BATF3: variants seen among roughly 807,000 people sequenced by gnomAD.
The protein encoded by BATF3 is basic leucine zipper ATF-like transcription factor 3.
Under a neutral mutation model 16.1 loss-of-function variants are expected in BATF3, and 8 were observed. That is an observed-to-expected ratio of 0.50 (90% confidence interval 0.29 to 0.90). The LOEUF (loss-of-function observed/expected upper bound fraction) is 0.90, where lower values mean the gene tolerates loss of function less well. Among genes scored for constraint, BATF3 ranks in the 40% least tolerant of loss-of-function variants. BATF3 has a pLI of 0.08. For missense variants in BATF3, 139 were observed against 167.0 expected, an observed-to-expected ratio of 0.83 and a Z score of 0.92; for synonymous variants, 74 against 72.7, an observed-to-expected ratio of 1.02 and a Z score of -0.09.
At chr1:212,697,915 C>CA (rs1366297760) in intron 1 of BATF3, 2 of 152,192 alleles carry the variant, frequency 1.3e-5, no homozygotes, top group Non-Finnish European at 2.9e-5. Context: ...ACCACACTTA[C>CA]AGAGTTTAAG....
Position 212,696,999 on chromosome 1 carries a change from G to A in BATF3, c.157C>T (p.Arg53Trp), listed in dbSNP as rs1421187861. Reference protein sequence around the residue: ...EKNRVAAQRSRKKQTQKADKL... With the variant: ...EKNRVAAQRSWKKQTQKADKL... ...TCAGCCTTCTGGGTCTGCTTCTTCC[G>A]ACTTCTCTGAGCAGCAACTCGGTTT... The change falls in exon 2 of 3, where the codon CGG becomes TGG. Residue 53 changes from arginine to tryptophan, a missense_variant. Physicochemically the swap from Arg to Trp is moderately radical, Grantham distance 101. Coordinates refer to ENST00000243440, the MANE Select transcript of BATF3 (RefSeq NM_018664.3). The A allele has an allele frequency of 3.7e-6, 6 of 1,614,148 alleles. No homozygotes were observed. The highest frequency in any genetic ancestry group is 2.5e-6 in the Non-Finnish European group (3 of 1,180,022).
At chr1:212,693,016 C>A (rs982441279) in intron 2 of BATF3, among the ~76,000 whole-genome samples, 1 of 152,168 alleles carries the variant, frequency 6.6e-6, no homozygotes, top group South Asian at 2.1e-4. Flanking sequence ...GGTGTCCCCA[C>A]CCTAGATTGG....
chr1:212,688,133 G>T (rs1218710712), intron 2 of BATF3, among the ~76,000 whole-genome samples: 1 of 151,756 alleles, frequency 6.6e-6, no homozygotes, highest in African/African-American at 2.4e-5. Context: ...GTACCTGTTG[G>T]GTTTGGTTCC....
chr1:212,694,183 A>G (rs1415158846), intron 2 of BATF3, among the ~76,000 whole-genome samples: 1 of 152,224 alleles, frequency 6.6e-6, no homozygotes, highest in Non-Finnish European at 1.5e-5. Context: ...GAAAAGCAAG[A>G]AAACGAATCT....
chr1:212,692,680 C>T (rs1389142010), intron 2 of BATF3, among the ~76,000 whole-genome samples: 2 of 152,172 alleles, frequency 1.3e-5, no homozygotes, highest in African/African-American at 4.8e-5. Flanking sequence ...TCAAGTGATC[C>T]ACCCGCCTCA....
intron 2 of BATF3, among the ~76,000 whole-genome samples, 181 bp downstream of exon 2, chr1:212,696,780 G>C (rs1386003172): frequency 6.6e-6 from 1 of 152,206 alleles, no homozygotes; most frequent in East Asian, 1.9e-4. Context: ...GCACTCAGTG[G>C]ATGAGGGAGA....
Position 212,687,967 on chromosome 1 carries a change from A to AAAAGAAAGAAAGAAAG in BATF3, c.196-1004_196-989dup, listed in dbSNP as rs796615441. Among the ~76,000 whole-genome samples, 136 of 99,704 alleles carry AAAAGAAAGAAAGAAAG rather than the reference A, an allele frequency of 1.4e-3. 3 individuals carry two copies. Among genetic ancestry groups the AAAAGAAAGAAAGAAAG allele is most frequent in the Middle Eastern group, 8.9e-3 (2 of 224 alleles). 65.4% of individuals were successfully genotyped at this position (99,704 alleles called of 152,430 possible). On this transcript the variant is annotated intron_variant, in intron 2 of 2. Transcript: ENST00000243440. Reference sequence around the variant, plus strand: ...GGAAGAAGAAAGAGAGAAAGAAAAAAAAAGAAAGAAAGAAAGAAAGAAAGA... The same window carrying AAAAGAAAGAAAGAAAG: ...GGAAGAAGAAAGAGAGAAAGAAAAAAAAAGAAAGAAAGAAAGAAAGAAAGAAAGAAAGAAAGAAAGA...
chr1:212,692,583 G>A (rs556268476), intron 2 of BATF3, among the ~76,000 whole-genome samples: 165 of 152,192 alleles, frequency 1.1e-3, no homozygotes, highest in African/African-American at 3.9e-3. Flanking sequence ...AACTACAGGC[G>A]CACGCCACCA....
chr1:212,696,899 C>G lies in BATF3; in HGVS notation c.195+62G>C. The G allele has an allele frequency of 3.3e-6, 4 of 1,222,904 alleles. No individual in the cohort carries two copies. The South Asian group carries it at 4.8e-5, about 15-fold the overall frequency. 75.8% of individuals were successfully genotyped at this position (1,222,904 alleles called of 1,614,324 possible). A position where few individuals can be genotyped will look rare whatever the true frequency, so the allele number is the denominator to read the frequency against. ...TGATAAAGAGAACAGTCATCACCCC[C>G]ACTCCCGTGCAAGGCAGAGGCTGTG... On this transcript the variant is annotated intron_variant, in intron 2 of 2. Coordinates refer to ENST00000243440, the MANE Select transcript of BATF3 (RefSeq NM_018664.3).
chr1:212,694,305 T>C (rs753106746), intron 2 of BATF3, among the ~76,000 whole-genome samples: 3 of 152,174 alleles, frequency 2.0e-5, no homozygotes, highest in Non-Finnish European at 1.5e-5. Flanking sequence ...ATTTGTGTTG[T>C]TTTAAGCCAC....
At chr1:212,688,856 A>G (rs528274696) in intron 2 of BATF3, among the ~76,000 whole-genome samples, 3 of 152,292 alleles carry the variant, frequency 2.0e-5, no homozygotes, top group East Asian at 3.9e-4. Flanking sequence ...TCAGGGCCCA[A>G]TTGCGTTACT....
intron 2 of BATF3, among the ~76,000 whole-genome samples, chr1:212,690,640 G>A (rs1350263670): frequency 1.3e-5 from 2 of 152,214 alleles, no homozygotes; most frequent in Non-Finnish European, 2.9e-5. Flanking sequence ...AATTCCTGGA[G>A]TAAACGCAAA....
chr1:212,690,851 G>A (rs1571833558), intron 2 of BATF3, among the ~76,000 whole-genome samples: 1 of 152,306 alleles, frequency 6.6e-6, no homozygotes, highest in Admixed American at 6.5e-5. Context: ...TCCCAGCTCT[G>A]CCTCAGAAAT....
rs1033974074 is a variant in BATF3, at chr1:212,699,123, G to A, written c.90+550C>T. On this transcript the variant is annotated intron_variant, in intron 1 of 2. Transcript: ENST00000243440. This position sits in a 1 kb window ranked among gnomAD's most constrained non-coding sequence, Gnocchi z 4.4. ...ACCTGGTCTCCTTCCTGACTGCGCC[G>A]CTGTAAACGTTGCTAGGGGACAGCG... Among the ~76,000 whole-genome samples, 7 of 152,266 alleles carry A rather than the reference G, an allele frequency of 4.6e-5. No homozygotes were observed. Among genetic ancestry groups the A allele is most frequent in the Non-Finnish European group, 8.8e-5 (6 of 68,048 alleles).
intron 2 of BATF3, among the ~76,000 whole-genome samples, chr1:212,688,015 GGAAGGAAGGAAGGAAGGAAGGAAGGAGA>G (rs2102399976): frequency 1.0e-5 from 1 of 98,912 alleles, no homozygotes; most frequent in South Asian, 2.9e-4. Flanking sequence ...AAGGAAGGAA[GGAAGGAAGGAAGGAAGGAAGGAAGGAGA>G]GAGAAAGAGA....
intron 1 of BATF3, 112 bp from the exon 2 acceptor site, chr1:212,697,177 G>C: frequency 5.0e-6 from 4 of 799,966 alleles, no homozygotes; most frequent in Non-Finnish European, 8.2e-6. Flanking sequence ...CTTTGCAGTA[G>C]ACAGCACCAC....
At position 212,696,945 on chromosome 1, in the gene BATF3, C is replaced by T. The variant is rs750940753; in HGVS notation, c.195+16G>A. 5.7e-5 allele frequency: 91 copies of T among 1,609,384 alleles called. No individual in the cohort carries two copies. Among genetic ancestry groups the T allele is most frequent in the Non-Finnish European group, 7.7e-5 (90 of 1,175,712 alleles). On this transcript the variant is annotated intron_variant, in intron 2 of 2. Coordinates refer to ENST00000243440, the MANE Select transcript of BATF3 (RefSeq NM_018664.3). ...CTGTGTGGCTCTAAGGTGGCTTGCC[C>T]CTACCACGGTCTCACCTCATGGAGC... is the stretch of plus-strand genomic sequence containing the variant.
In BATF3 at chr1:212,689,440, C is replaced by T. The variant is rs1400610910; in HGVS notation, c.196-2461G>A. On this transcript the variant is annotated intron_variant, in intron 2 of 2. Transcript: ENST00000243440. This position sits in a 1 kb window ranked among gnomAD's most constrained non-coding sequence, Gnocchi z 4.6. ...TCCAGGGCAGCAAGCTGTTCTGGGG[C>T]CATGTGGCTTCACCAGTACACTGGC... 2.0e-5 allele frequency among the ~76,000 whole-genome samples: 3 copies of T among 152,202 alleles called. No homozygotes were observed. The highest frequency in any genetic ancestry group is 4.4e-5 in the Non-Finnish European group (3 of 68,030).
chr1:212,691,285 C>T (rs576922155), intron 2 of BATF3, among the ~76,000 whole-genome samples: 54 of 152,138 alleles, frequency 3.5e-4, no homozygotes, highest in Non-Finnish European at 7.1e-4. Flanking sequence ...CACACACAGA[C>T]CCCATTTCAC....
Sources: gnomAD v4.1 joint callset for allele counts (sites outside exome capture counted in the v4.1 genomes callset) on GRCh38, gnomAD v4.1.1 for gene constraint, Gnocchi (gnomAD v3.1) non-coding constraint, MANE v1.5 for transcripts, NCBI Gene and HGNC (gene_info 2026-07-23, HGNC 2026-07-21) for gene names.